ROCK2: variants seen among roughly 807,000 people sequenced by gnomAD.
The protein encoded by ROCK2 is rho-associated protein kinase 2.
ROCK2 carries 61 observed loss-of-function variants against 195.1 expected under a neutral mutation model. The observed-to-expected ratio is 0.31, with a 90% CI of 0.25 to 0.39. ROCK2 has a LOEUF of 0.39. ROCK2 is among the 10% of genes least tolerant of loss of function. ROCK2 has a pLI of 1.00. For synonymous variants in ROCK2, 504 were observed against 545.5 expected (o/e 0.92, Z 1.06); for missense variants, 1,109 against 1,637.4 (o/e 0.68, Z 5.57).
chr2:11,283,860 G>GA (rs1667100681), intron 3 of ROCK2, among the ~76,000 whole-genome samples: 1 of 152,144 alleles, frequency 6.6e-6, no homozygotes, highest in South Asian at 2.1e-4. Context: ...CAGTTTTTTA[G>GA]AAAACCAAAT....
intron 1 of ROCK2, among the ~76,000 whole-genome samples, chr2:11,336,299 A>G (rs1454371965): frequency 1.3e-5 from 2 of 152,236 alleles, no homozygotes; most frequent in East Asian, 3.8e-4. Context: ...CACCCAGGCT[A>G]AAGTGCAGCA....
chr2:11,199,794 T>C (rs1253145515), intron 23 of ROCK2, among the ~76,000 whole-genome samples: 2 of 152,256 alleles, frequency 1.3e-5, no homozygotes, highest in Non-Finnish European at 2.9e-5. Context: ...GAGTTTTTGC[T>C]AAATATTTAT....
At chr2:11,229,625 A>C (rs1305000808) in intron 5 of ROCK2, among the ~76,000 whole-genome samples, 37 of 151,946 alleles carry the variant, frequency 2.4e-4, no homozygotes, top group African/African-American at 8.7e-4. Flanking sequence ...TGCAACACAA[A>C]AAAAAAAAAC....
In ROCK2 at chr2:11,317,923, T is replaced by C. The variant is rs189663490; in HGVS notation, c.141+26073A>G. Among the ~76,000 whole-genome samples, 1,088 of 152,072 alleles carry C rather than the reference T, an allele frequency of 7.2e-3. 16 individuals are homozygous for C. Among genetic ancestry groups the C allele is most frequent in the African/African-American group, 0.025 (1,033 of 41,460 alleles). ...GAATGATGGTTCCCAGCTTCATCCA[T>C]GTCCCTGCAAAGGACATGAACTCAT... On this transcript the variant is annotated intron_variant, in intron 1 of 32. Transcript: ENST00000315872.
chr2:11,222,438 C>T (rs1419749266), intron 7 of ROCK2, among the ~76,000 whole-genome samples: 3 of 152,036 alleles, frequency 2.0e-5, no homozygotes, highest in East Asian at 1.9e-4. Context: ...AATGAAAGTA[C>T]GTTAAGACTA....
intron 1 of ROCK2, among the ~76,000 whole-genome samples, chr2:11,341,640 C>T (rs182743795): frequency 1.3e-5 from 2 of 151,476 alleles, no homozygotes; most frequent in Admixed American, 1.3e-4. Context: ...AATGTAGTGT[C>T]GCAGCTGTGT....
At chr2:11,242,897 TC>T (rs1458330605) in intron 4 of ROCK2, among the ~76,000 whole-genome samples, 1 of 152,148 alleles carries the variant, frequency 6.6e-6, no homozygotes, top group African/African-American at 2.4e-5. Flanking sequence ...AAAAGACCTG[TC>T]CTCAGGGAGC....
intron 6 of ROCK2, 44 bp downstream of exon 6, chr2:11,227,210 T>A (rs1259064058): frequency 1.3e-6 from 2 of 1,531,048 alleles, no homozygotes; most frequent in African/African-American, 1.4e-5. Flanking sequence ...AAATAAAGTA[T>A]TATAAGAAGC....
intron 29 of ROCK2, 44 bp downstream of exon 29, chr2:11,194,212 C>T: frequency 2.3e-6 from 2 of 862,316 alleles, no homozygotes; most frequent in Non-Finnish European, 3.5e-6. Context: ...GTCTCTTATA[C>T]TTTAAAAGAT....
chr2:11,222,302 T>G (rs919000449), intron 7 of ROCK2, 128 bp from the exon 8 acceptor site: 6 of 565,242 alleles, frequency 1.1e-5, no homozygotes, highest in Admixed American at 3.0e-5. Context: ...AAGCTTCAGC[T>G]TAAATGTTTC....
At chr2:11,328,603 T>C (rs559376028) in intron 1 of ROCK2, among the ~76,000 whole-genome samples, 5 of 152,288 alleles carry the variant, frequency 3.3e-5, no homozygotes, top group Middle Eastern at 3.4e-3. Context: ...CTTTCCACTA[T>C]ACTACTCTCT....
rs201316858 is a variant in ROCK2 at position 11,224,362 on chromosome 2, T to C, written c.967A>G (p.Lys323Glu). Residue 323 changes from lysine to glutamate, a missense_variant, in exon 7 of 33, where the codon AAA (lysine) becomes GAA (glutamate). By Grantham distance (56) the Lys-to-Glu change is moderately conservative. Coordinates refer to ENST00000315872, the MANE Select transcript of ROCK2 (RefSeq NM_004850.5). ...LCFPEDAEIS[K>E]HAKNLICAFL... is the part of the protein sequence containing the mutation. ...GCACAGATGAGATTCTTTGCATGTT[T>C]GGAAATTTCTGCATCTTCAGGGAAA... is the stretch of plus-strand genomic sequence containing the variant. The C allele has an allele frequency of 1.9e-4, 312 of 1,613,398 alleles. No individual in the cohort carries two copies. Among genetic ancestry groups the C allele is most frequent in the Non-Finnish European group, 2.4e-4 (286 of 1,179,604 alleles).
intron 11 of ROCK2, chr2:11,218,178 T>C (rs1664498463): frequency 6.9e-6 from 2 of 288,258 alleles, no homozygotes; most frequent in Middle Eastern, 1.0e-3. Context: ...ACTACTGCAT[T>C]ACAATAATTT....
intron 1 of ROCK2, among the ~76,000 whole-genome samples, chr2:11,329,466 CAAAAAAAAAA>C (rs11347828): frequency 2.2e-5 from 3 of 138,544 alleles, no homozygotes; most frequent in African/African-American, 8.0e-5. Context: ...ATCCCATCTC[CAAAAAAAAAA>C]AAAACCGTAA....
chr2:11,227,369 A>G lies in ROCK2; in HGVS notation c.753T>C (p.Val251=). Residue 251 remains valine, a synonymous_variant, in exon 6 of 33, where the codon GTT becomes GTC. Transcript: ENST00000315872. ...CAGGTGATATATAATCCGGTGTTCC[A>G]ACTGCTGTATCACAATGTACCATGC... ...ETGMVHCDTA[V]GTPDYISPEV... The G allele has an allele frequency of 1.9e-6, 3 of 1,613,764 alleles. No homozygotes were observed. Among genetic ancestry groups the G allele is most frequent in the Non-Finnish European group, 2.5e-6 (3 of 1,179,774 alleles).
At chr2:11,328,730 T>C (rs1017391048) in intron 1 of ROCK2, among the ~76,000 whole-genome samples, 4 of 152,110 alleles carry the variant, frequency 2.6e-5, no homozygotes, top group Middle Eastern at 3.2e-3. Flanking sequence ...TGGAATACTA[T>C]GCAGCCATAA....
Position 11,227,240 on chromosome 2 carries a change from A to C in ROCK2, c.868+14T>G, listed in dbSNP as rs1664846893. On this transcript the variant is annotated intron_variant, in intron 6 of 32. Transcript: ENST00000315872. ...AGAAGCATTTTGAAAAAAGAAGTTA[A>C]AATATTTACTTACCCACTAGCATCT... The C allele has an allele frequency of 3.8e-6, 6 of 1,599,374 alleles. No homozygotes were observed. The highest frequency in any genetic ancestry group is 4.3e-6 in the Non-Finnish European group (5 of 1,173,266).
intron 6 of ROCK2, among the ~76,000 whole-genome samples, chr2:11,225,743 T>C (rs1664788759): frequency 6.6e-6 from 1 of 152,154 alleles, no homozygotes; most frequent in Non-Finnish European, 1.5e-5. Context: ...GAGAATATAC[T>C]CTATTTTCAA....
chr2:11,269,713 C>T (rs1282938311), intron 3 of ROCK2, among the ~76,000 whole-genome samples: 1 of 152,076 alleles, frequency 6.6e-6, no homozygotes, highest in Non-Finnish European at 1.5e-5. Context: ...TTACTCCCCT[C>T]TCTTTTCAGA....
Sources: gnomAD v4.1 joint callset for allele counts (sites outside exome capture counted in the v4.1 genomes callset) on GRCh38, gnomAD v4.1.1 for gene constraint, MANE v1.5 for transcripts, NCBI Gene and HGNC (gene_info 2026-07-23, HGNC 2026-07-21) for gene names.